SORCS3: variants seen among roughly 807,000 people sequenced by gnomAD.
The protein encoded by SORCS3 is sortilin related VPS10 domain containing receptor 3, also known as VPS10 domain-containing receptor SorCS3.
Under a neutral mutation model 146.3 loss-of-function variants are expected in SORCS3, and 57 were observed. The observed-to-expected ratio is 0.39, with a 90% confidence interval of 0.31 to 0.49. SORCS3 has a LOEUF of 0.49. SORCS3 is among the 20% of genes least tolerant of loss of function. SORCS3 has a pLI of 0.92. For missense variants in SORCS3, 1,341 were observed against 1,575.5 expected, an observed-to-expected ratio of 0.85 and a Z score of 2.52; for synonymous variants, 653 against 618.5, an observed-to-expected ratio of 1.06 and a Z score of -0.83.
intron 1 of SORCS3, among the ~76,000 whole-genome samples, chr10:104,724,381 C>T (rs1199296063): frequency 3.3e-5 from 5 of 152,124 alleles, no homozygotes; most frequent in African/African-American, 9.7e-5. Context: ...GTGGGTAACC[C>T]GACCTTTCTC....
intron 7 of SORCS3, among the ~76,000 whole-genome samples, 187 bp from the exon 8 acceptor site, chr10:105,139,210 G>C (rs2056078081): frequency 6.6e-6 from 1 of 152,186 alleles, no homozygotes; most frequent in African/African-American, 2.4e-5. Flanking sequence ...GCCCACCTGT[G>C]ATCTAAGCAC....
intron 5 of SORCS3, among the ~76,000 whole-genome samples, chr10:105,069,487 G>C (rs1475925244): frequency 6.6e-6 from 1 of 152,152 alleles, no homozygotes; most frequent in Non-Finnish European, 1.5e-5. Context: ...CTACCTCATA[G>C]AGTTGCTGTA....
At chr10:105,205,477 A>G (rs375008659) in intron 16 of SORCS3, among the ~76,000 whole-genome samples, 3 of 152,148 alleles carry the variant, frequency 2.0e-5, no homozygotes, top group African/African-American at 4.8e-5. Context: ...GCCACTTTGC[A>G]GCAACCTCCA....
At chr10:105,119,836 T>G (rs770905816) in intron 7 of SORCS3, among the ~76,000 whole-genome samples, 1 of 152,184 alleles carries the variant, frequency 6.6e-6, no homozygotes, top group Non-Finnish European at 1.5e-5. Flanking sequence ...TTAGATGATT[T>G]TACAGGCTTA....
chr10:105,235,970 G>A (rs1203560409), intron 20 of SORCS3, among the ~76,000 whole-genome samples: 1 of 152,016 alleles, frequency 6.6e-6, no homozygotes, highest in East Asian at 1.9e-4. Flanking sequence ...CAATAAATGG[G>A]TGCTTTTCAT....
intron 1 of SORCS3, among the ~76,000 whole-genome samples, chr10:104,830,510 C>T (rs1334967384): frequency 1.3e-5 from 2 of 152,294 alleles, no homozygotes. Flanking sequence ...ATCCCCATTG[C>T]TTCCACCACC....
At chr10:104,781,035 G>C (rs1193561680) in intron 1 of SORCS3, among the ~76,000 whole-genome samples, 1 of 152,208 alleles carries the variant, frequency 6.6e-6, no homozygotes, top group Non-Finnish European at 1.5e-5. Flanking sequence ...TAGATGGAAA[G>C]TATTGTCATA....
intron 3 of SORCS3, among the ~76,000 whole-genome samples, chr10:104,919,407 G>A (rs2019064552): frequency 6.6e-6 from 1 of 151,632 alleles, no homozygotes; most frequent in East Asian, 1.9e-4. Flanking sequence ...ATTAACGTTT[G>A]TAGCCAGGCA....
chr10:105,101,376 C>G (rs2055783689), intron 6 of SORCS3, among the ~76,000 whole-genome samples: 1 of 152,168 alleles, frequency 6.6e-6, no homozygotes, highest in African/African-American at 2.4e-5. Context: ...CCCCATGCCC[C>G]TACTTCGGTT....
intron 1 of SORCS3, among the ~76,000 whole-genome samples, chr10:104,684,624 G>A (rs1243739326): frequency 2.0e-5 from 3 of 152,070 alleles, no homozygotes; most frequent in African/African-American, 7.2e-5. Context: ...CGTGGGATCT[G>A]TGGGCAGTTT....
chr10:104,744,273 AC>A (rs2016882826), intron 1 of SORCS3, among the ~76,000 whole-genome samples: 1 of 152,180 alleles, frequency 6.6e-6, no homozygotes, highest in Non-Finnish European at 1.5e-5. Context: ...GTCAGAAGAC[AC>A]CTTTGTTCTG....
intron 9 of SORCS3, among the ~76,000 whole-genome samples, chr10:105,149,087 G>A (rs890687143): frequency 1.3e-5 from 2 of 152,082 alleles, no homozygotes; most frequent in East Asian, 1.9e-4. Flanking sequence ...CACTGTGATT[G>A]TAAGTTTCCT....
intron 4 of SORCS3, among the ~76,000 whole-genome samples, chr10:105,041,776 G>T (rs2055339905): frequency 6.6e-6 from 1 of 152,128 alleles, no homozygotes; most frequent in Admixed American, 6.6e-5. Context: ...AGCCCTATAG[G>T]AGAGCAGATA....
chr10:104,756,142 G>A (rs907126963), intron 1 of SORCS3, among the ~76,000 whole-genome samples: 3 of 152,140 alleles, frequency 2.0e-5, no homozygotes, highest in African/African-American at 4.8e-5. Flanking sequence ...TCTGAGCCTC[G>A]CAACACTATT....
intron 1 of SORCS3, among the ~76,000 whole-genome samples, chr10:104,697,277 G>A (rs368776787): frequency 5.3e-5 from 8 of 152,116 alleles, no homozygotes; most frequent in African/African-American, 1.4e-4. Context: ...ACATATGACC[G>A]TGACTTCCAT....
intron 1 of SORCS3, among the ~76,000 whole-genome samples, chr10:104,781,731 CATA>C (rs1350258119): frequency 6.6e-6 from 1 of 152,198 alleles, no homozygotes; most frequent in Non-Finnish European, 1.5e-5. Flanking sequence ...TCTTGGATTC[CATA>C]ATGTAACAGC....
At chr10:104,687,069 C>A (rs1345166889) in intron 1 of SORCS3, among the ~76,000 whole-genome samples, 2 of 152,138 alleles carry the variant, frequency 1.3e-5, no homozygotes, top group East Asian at 3.9e-4. Context: ...ATGCATCCAT[C>A]CAGTCATCCA....
rs1321250023 is a variant in SORCS3, at chr10:105,242,807, T to TTATATATATTTTTATATATAAATTA, written c.2869-2678_2869-2654dup. On this transcript the variant is annotated intron_variant, in intron 20 of 26. Coordinates refer to ENST00000369701, the MANE Select transcript of SORCS3 (RefSeq NM_014978.3). ...ATATTTATATACATTTATATATAAT[T>TTATATATATTTTTATATATAAATTA]TATATATATTTTTATATATAAATTA... 1.1e-3 allele frequency among the ~76,000 whole-genome samples: 107 copies of TTATATATATTTTTATATATAAATTA among 97,468 alleles called. 2 individuals are homozygous for TTATATATATTTTTATATATAAATTA. Among genetic ancestry groups the TTATATATATTTTTATATATAAATTA allele is most frequent in the African/African-American group, 2.0e-3 (47 of 23,790 alleles). The allele number at this position is 97,468 out of a possible 152,430, so 63.9% of individuals were successfully genotyped here. A position where few individuals can be genotyped will look rare whatever the true frequency, so the allele number is the denominator to read the frequency against.
At chr10:104,844,757 C>A (rs957645932) in intron 2 of SORCS3, among the ~76,000 whole-genome samples, 1 of 152,158 alleles carries the variant, frequency 6.6e-6, no homozygotes, top group African/African-American at 2.4e-5. Flanking sequence ...GCCCAGAAGT[C>A]TGAAATCAAG....
Sources: allele counts gnomAD v4.1 joint callset (sites outside exome capture counted in the v4.1 genomes callset), GRCh38; gene constraint gnomAD v4.1.1; transcripts MANE v1.5; gene names NCBI Gene and HGNC (gene_info 2026-07-23, HGNC 2026-07-21).